AAGAB: variants seen among roughly 807,000 people sequenced by gnomAD.
AAGAB encodes alpha and gamma adaptin binding protein, also known as alpha- and gamma-adaptin-binding protein p34.
Under a neutral mutation model 44.1 loss-of-function variants are expected in AAGAB, and 38 were observed. That is an observed-to-expected ratio of 0.86 (90% CI 0.67 to 1.13). The LOEUF (loss-of-function observed/expected upper bound fraction) is 1.13, where lower values mean the gene tolerates loss of function less well. Ranked by LOEUF, AAGAB falls within the 50% of genes most tolerant of loss-of-function variation. The pLI is 0.00. For synonymous variants in AAGAB, 131 were observed against 131.8 expected, an observed-to-expected ratio of 0.99 and a Z score of 0.04; for missense variants, 450 against 373.8, an observed-to-expected ratio of 1.20 and a Z score of -1.68.
intron 1 of AAGAB, among the ~76,000 whole-genome samples, chr15:67,246,391 CAA>C (rs59205947): frequency 2.6e-4 from 28 of 109,758 alleles, no homozygotes; most frequent in Non-Finnish European, 3.2e-4. Context: ...GATCCTGTCT[CAA>C]AAAAAAAAAA....
intron 1 of AAGAB, 96 bp from the exon 2 acceptor site, chr15:67,236,916 C>CT: frequency 2.0e-6 from 2 of 983,494 alleles, no homozygotes; most frequent in Non-Finnish European, 2.9e-6. Context: ...GGTACTTTTG[C>CT]TGTTTCCTTT....
rs1595974287 is a variant in AAGAB at position 67,201,153 on chromosome 15, T to C, written c.*1668A>G. Reference sequence around the variant, plus strand: ...CTAGTATATTTTCTAAAACCTTCCATCTTTTAAGGAAAACATGTTCCACCT... The same window carrying C: ...CTAGTATATTTTCTAAAACCTTCCACCTTTTAAGGAAAACATGTTCCACCT... On this transcript the variant is annotated 3_prime_UTR_variant, in exon 10 of 10. Coordinates refer to ENST00000261880, the MANE Select transcript of AAGAB (RefSeq NM_024666.5). The C allele has an allele frequency of 6.6e-6, 1 of 152,046 alleles. No individual in the cohort carries two copies. The highest frequency in any genetic ancestry group is 1.5e-5 in the Non-Finnish European group (1 of 67,988). 9.4% of individuals were successfully genotyped at this position (152,046 alleles called of 1,614,324 possible).
chr15:67,202,872 G>A lies in AAGAB; in HGVS notation c.897C>T (p.Ile299=), dbSNP rs370150816. 8.7e-5 allele frequency: 140 copies of A among 1,613,886 alleles called. 1 individual carries two copies. Among genetic ancestry groups the A allele is most frequent in the African/African-American group, 4.0e-5 (3 of 74,864 alleles). ...CTTCAATTTCATCTCTGTCTCCCCC[G>A]ATTGCCATCCAGAATGCTTTGGCCA... is the stretch of plus-strand genomic sequence containing the variant. The part of the protein sequence containing the change: ...EKVAKAFWMA[I]GGDRDEIEGL... The change falls in exon 10 of 10, where the codon ATC becomes ATT. Residue 299 remains isoleucine, a synonymous_variant. Coordinates refer to ENST00000261880, the MANE Select transcript of AAGAB (RefSeq NM_024666.5).
intron 1 of AAGAB, among the ~76,000 whole-genome samples, chr15:67,240,210 A>G (rs1261655258): frequency 6.6e-6 from 1 of 152,238 alleles, no homozygotes; most frequent in Non-Finnish European, 1.5e-5. Flanking sequence ...ACTGTCTATG[A>G]CATTCAGGTA....
intron 5 of AAGAB, among the ~76,000 whole-genome samples, chr15:67,227,574 A>G (rs1211336569): frequency 6.6e-6 from 1 of 152,212 alleles, no homozygotes; most frequent in African/African-American, 2.4e-5. Context: ...CCCTAAAACA[A>G]ATAAACCAGT....
chr15:67,208,087 A>G (rs1026192158), intron 7 of AAGAB, among the ~76,000 whole-genome samples: 1 of 152,208 alleles, frequency 6.6e-6, no homozygotes, highest in Admixed American at 6.5e-5. Flanking sequence ...CTTCAGCTCC[A>G]GGCCCTTCTT....
chr15:67,224,815 T>G (rs1992217), intron 5 of AAGAB, among the ~76,000 whole-genome samples: 102,241 of 151,852 alleles, frequency 0.67, 35,034 homozygotes, highest in Middle Eastern at 0.82. Context: ...TCCTGGCCTC[T>G]ACTGATCTGC....
intron 1 of AAGAB, 57 bp from the exon 2 acceptor site, chr15:67,236,877 A>G (rs1212688438): frequency 1.1e-5 from 15 of 1,354,316 alleles, no homozygotes; most frequent in Non-Finnish European, 1.5e-5. Flanking sequence ...ACATTGGTTG[A>G]TTTTCTCAGT....
At chr15:67,239,708 G>A (rs1249036808) in intron 1 of AAGAB, among the ~76,000 whole-genome samples, 2 of 152,120 alleles carry the variant, frequency 1.3e-5, no homozygotes, top group African/African-American at 4.8e-5. Flanking sequence ...AGTAAAGACT[G>A]TCTCATTCTA....
At chr15:67,230,415 A>C (rs992365559) in intron 5 of AAGAB, among the ~76,000 whole-genome samples, 10 of 152,294 alleles carry the variant, frequency 6.6e-5, no homozygotes, top group African/African-American at 2.2e-4. Flanking sequence ...CCCTACTTCA[A>C]TGTGACTGTT....
At chr15:67,240,110 A>G (rs941278647) in intron 1 of AAGAB, among the ~76,000 whole-genome samples, 1 of 152,240 alleles carries the variant, frequency 6.6e-6, no homozygotes, top group Non-Finnish European at 1.5e-5. Context: ...GACCTAAAGG[A>G]TCCTCTGCCC....
chr15:67,224,381 G>C (rs1201386126), intron 5 of AAGAB, among the ~76,000 whole-genome samples: 1 of 152,066 alleles, frequency 6.6e-6, no homozygotes, highest in Non-Finnish European at 1.5e-5. Flanking sequence ...TATAAAAGCT[G>C]TATTATTTCT....
At chr15:67,210,239 G>A (rs1737739694) in intron 5 of AAGAB, among the ~76,000 whole-genome samples, 1 of 152,218 alleles carries the variant, frequency 6.6e-6, no homozygotes, top group African/African-American at 2.4e-5. Context: ...TTCTAGGGCT[G>A]GGAGCGGTGG....
intron 4 of AAGAB, chr15:67,232,517 C>A: frequency 1.4e-5 from 5 of 368,330 alleles, no homozygotes; most frequent in South Asian, 1.2e-4. Context: ...AACAAATGGT[C>A]ATTGATGTCC....
chr15:67,203,545 C>T lies in AAGAB; in HGVS notation c.870+3G>A, dbSNP rs1275926157. ...TCAATAAATACCTGGCTGATTGTCT[C>T]ACCTTTTCTGCATGCACTTTTCTTT... On this transcript the variant is annotated splice_donor_region_variant and intron_variant, in intron 9 of 9. Transcript: ENST00000261880. 6.2e-7 allele frequency: 1 copy of T among 1,613,290 alleles called. No individual in the cohort carries two copies. The highest frequency in any genetic ancestry group is 1.3e-5 in the African/African-American group (1 of 74,928).
intron 4 of AAGAB, among the ~76,000 whole-genome samples, chr15:67,233,455 G>C (rs1285214849): frequency 6.6e-6 from 1 of 152,168 alleles, no homozygotes; most frequent in Non-Finnish European, 1.5e-5. Flanking sequence ...CAGATGTTGA[G>C]GATTGTAAGG....
intron 1 of AAGAB, among the ~76,000 whole-genome samples, chr15:67,252,387 G>C (rs1296605281): frequency 3.3e-5 from 5 of 152,180 alleles, no homozygotes; most frequent in Non-Finnish European, 5.9e-5. Context: ...TTATTCACTA[G>C]ATGGATATAT....
chr15:67,253,917 T>C (rs1964979829), intron 1 of AAGAB, among the ~76,000 whole-genome samples: 2 of 152,174 alleles, frequency 1.3e-5, no homozygotes, highest in Non-Finnish European at 2.9e-5. Context: ...TAGAGTTGGC[T>C]TATTATCCAG....
chr15:67,222,982 C>G (rs1964118349), intron 5 of AAGAB, among the ~76,000 whole-genome samples: 1 of 152,184 alleles, frequency 6.6e-6, no homozygotes, highest in African/African-American at 2.4e-5. Context: ...TCCTACTTGA[C>G]CTATGAGCAG....
Sources: allele counts gnomAD v4.1 joint callset (sites outside exome capture counted in the v4.1 genomes callset), GRCh38; gene constraint gnomAD v4.1.1; transcripts MANE v1.5; gene names NCBI Gene and HGNC (gene_info 2026-07-23, HGNC 2026-07-21).